TRAPPC9: variants seen among roughly 807,000 people sequenced by gnomAD.
TRAPPC9 encodes the protein IKK2 binding protein.
In TRAPPC9, 83 loss-of-function variants were observed where a neutral mutation model predicts 124.0. The observed-to-expected ratio is 0.67, with a 90% CI of 0.56 to 0.80. The LOEUF is 0.80. Among genes scored for constraint, TRAPPC9 ranks in the 30% least tolerant of loss-of-function variants. The pLI, the probability that TRAPPC9 is intolerant of heterozygous loss-of-function variation, is 0.00. For synonymous variants in TRAPPC9, 638 were observed against 617.5 expected (o/e 1.03, Z -0.49); for missense variants, 1,302 against 1,508.3 (o/e 0.86, Z 2.27).
Position 140,351,834 on chromosome 8 carries a change from G to C in TRAPPC9, c.1495+8216C>G, listed in dbSNP as rs113609877. ...ATCTGGTTCTAGCCAATGAGACAGAGAGGTCTGCTAGAGACTCTTAAAAAC... is the reference window on the plus strand; with the variant it reads ...ATCTGGTTCTAGCCAATGAGACAGACAGGTCTGCTAGAGACTCTTAAAAAC... On this transcript the variant is annotated intron_variant, in intron 9 of 22. Coordinates refer to ENST00000438773, the MANE Select transcript of TRAPPC9 (RefSeq NM_001160372.4). 2.1e-3 allele frequency among the ~76,000 whole-genome samples: 321 copies of C among 152,288 alleles called. 1 individual carries two copies. The highest frequency in any genetic ancestry group is 7.5e-3 in the African/African-American group (311 of 41,558).
At chr8:139,956,031 G>A (rs1317985275) in intron 19 of TRAPPC9, among the ~76,000 whole-genome samples, 1 of 152,212 alleles carries the variant, frequency 6.6e-6, no homozygotes, top group African/African-American at 2.4e-5. Flanking sequence ...TGGTTAGCAC[G>A]CGGAGACCTG....
intron 21 of TRAPPC9, among the ~76,000 whole-genome samples, chr8:139,766,573 T>C (rs1458370488): frequency 2.0e-5 from 3 of 152,218 alleles, no homozygotes; most frequent in African/African-American, 4.8e-5. Context: ...ATCAGACCTG[T>C]GTTCAGATCA....
At chr8:139,982,112 T>C (rs150938185) in intron 19 of TRAPPC9, among the ~76,000 whole-genome samples, 20 of 151,978 alleles carry the variant, frequency 1.3e-4, no homozygotes, top group Non-Finnish European at 2.2e-4. Flanking sequence ...AAACCCACAA[T>C]TGTCGTATCT....
At chr8:139,988,679 A>C in intron 19 of TRAPPC9, 47 bp downstream of exon 19, 9 of 1,294,082 alleles carry the variant, frequency 7.0e-6, no homozygotes, top group Non-Finnish European at 9.8e-6. Context: ...AGCGTGGTGA[A>C]GGCAGAGGGT....
At chr8:139,961,080 C>T (rs1458818482) in intron 19 of TRAPPC9, among the ~76,000 whole-genome samples, 1 of 124,584 alleles carries the variant, frequency 8.0e-6, no homozygotes, top group Admixed American at 8.4e-5. Context: ...GACATGAGAT[C>T]CCAACACAGA....
chr8:140,100,147 C>T (rs1441440650), intron 17 of TRAPPC9: 2 of 151,222 alleles, frequency 1.3e-5, no homozygotes, highest in African/African-American at 4.9e-5. Flanking sequence ...GTATTGACGC[C>T]CACCCGGGTC....
intron 21 of TRAPPC9, among the ~76,000 whole-genome samples, chr8:139,859,489 C>A (rs1230338668): frequency 6.6e-6 from 1 of 152,212 alleles, no homozygotes; most frequent in Non-Finnish European, 1.5e-5. Flanking sequence ...CATGTCACAG[C>A]TTCAGAAAGA....
chr8:140,425,037 A>C (rs2070372490), intron 5 of TRAPPC9, among the ~76,000 whole-genome samples: 1 of 152,218 alleles, frequency 6.6e-6, no homozygotes, highest in African/African-American at 2.4e-5. Flanking sequence ...TGAAGAATCA[A>C]ATTGCATTGC....
intron 21 of TRAPPC9, among the ~76,000 whole-genome samples, chr8:139,834,982 G>A (rs570687444): frequency 3.3e-4 from 51 of 152,270 alleles, no homozygotes; most frequent in African/African-American, 1.1e-3. Context: ...ATTTCATGCC[G>A]GTGCTGACTC....
Position 139,928,427 on chromosome 8 carries a change from G to C in TRAPPC9, c.2811-18127C>G, listed in dbSNP as rs527916759. ...GAATCGCTTGAACCCAGGAGGCAGA[G>C]GTTGCAGTGAGCCAAGATGGCGCCA... On this transcript the variant is annotated intron_variant, in intron 19 of 22. Transcript: ENST00000438773. Among the ~76,000 whole-genome samples, 526 of 152,238 alleles carry C rather than the reference G, an allele frequency of 3.5e-3. 1 individual carries two copies. The highest frequency in any genetic ancestry group is 0.011 in the African/African-American group (475 of 41,530).
In TRAPPC9 at chr8:140,083,456, G is replaced by C. The variant is rs1369747002; in HGVS notation, c.2557-59377C>G. On this transcript the variant is annotated intron_variant, in intron 17 of 22. Transcript: ENST00000438773. ...GTATTAGCGCTGAGTGAATAAGGTA[G>C]AGCGCAGAAACGCACACGCAACGCA... is the stretch of plus-strand genomic sequence containing the variant. Among the ~76,000 whole-genome samples, 9 of 152,210 alleles carry C rather than the reference G, an allele frequency of 5.9e-5. No homozygotes were observed. The East Asian group carries it at 9.7e-4, about 16-fold the overall frequency.
chr8:140,188,579 C>T (rs2062402522), intron 17 of TRAPPC9, among the ~76,000 whole-genome samples: 1 of 152,226 alleles, frequency 6.6e-6, no homozygotes, highest in Non-Finnish European at 1.5e-5. Context: ...CTTGATGGCA[C>T]AGATCTCCCG....
intron 19 of TRAPPC9, among the ~76,000 whole-genome samples, chr8:139,958,142 C>T (rs1267222717): frequency 2.6e-5 from 4 of 152,166 alleles, no homozygotes; most frequent in Admixed American, 2.0e-4. Flanking sequence ...GGCATGAGGA[C>T]AGCAGCTGAG....
At position 140,182,347 on chromosome 8, in the gene TRAPPC9, G is replaced by A. The variant is rs1035798673; in HGVS notation, c.2556+39112C>T. 6.6e-6 allele frequency among the ~76,000 whole-genome samples: 1 copy of A among 150,980 alleles called. No homozygotes were observed. Among genetic ancestry groups the A allele is most frequent in the Non-Finnish European group, 1.5e-5 (1 of 67,838 alleles). Reference sequence around the variant, plus strand: ...TTCAACTAAAAAAAAAAAAAAATACGGCTTGGGAATGTTGGCTTCCAAAAG... The same window carrying A: ...TTCAACTAAAAAAAAAAAAAAATACAGCTTGGGAATGTTGGCTTCCAAAAG... On this transcript the variant is annotated intron_variant, in intron 17 of 22. Coordinates refer to ENST00000438773, the MANE Select transcript of TRAPPC9 (RefSeq NM_001160372.4). This position sits in a 1 kb window ranked among gnomAD's most constrained non-coding sequence, Gnocchi z 4.0.
chr8:140,128,863 C>T (rs186227308), intron 17 of TRAPPC9, among the ~76,000 whole-genome samples: 155 of 152,130 alleles, frequency 1.0e-3, no homozygotes, highest in Non-Finnish European at 1.9e-3. Flanking sequence ...TGCTTCCTTT[C>T]GAAAGCAGAC....
chr8:139,849,279 T>C (rs979662381), intron 21 of TRAPPC9, among the ~76,000 whole-genome samples: 1 of 152,348 alleles, frequency 6.6e-6, no homozygotes, highest in South Asian at 2.1e-4. Context: ...CACTGCTCTC[T>C]TGACACCAGG....
rs1387541926 is a variant in TRAPPC9 at position 140,432,240 on chromosome 8, T to C, written c.859+2872A>G. 2.6e-5 allele frequency among the ~76,000 whole-genome samples: 4 copies of C among 151,910 alleles called. No individual in the cohort carries two copies. In the East Asian group the frequency reaches 5.8e-4, roughly 22 times the overall value. On this transcript the variant is annotated intron_variant, in intron 4 of 22. Transcript: ENST00000438773. ...ATTTAATTGTTGGCATAATAAGAAA[T>C]GATCAACAGGGCTTTTTAAAATACG...
At chr8:140,101,148 C>A (rs1178172938) in intron 17 of TRAPPC9, among the ~76,000 whole-genome samples, 2 of 152,204 alleles carry the variant, frequency 1.3e-5, no homozygotes, top group Middle Eastern at 3.2e-3. Flanking sequence ...ATGAGCATAT[C>A]TTTTTCTTTG....
Position 139,730,994 on chromosome 8 carries a change from AG to A in TRAPPC9, c.*66del. On this transcript the variant is annotated 3_prime_UTR_variant, in exon 23 of 23. Coordinates refer to ENST00000438773, the MANE Select transcript of TRAPPC9 (RefSeq NM_001160372.4). ...CTGCAGTGAAGGCCTTGCTCATTGC[AG>A]GGGGTGTGGGAGGCCAGGCAGGGTC... 1.3e-6 allele frequency: 2 copies of A among 1,572,046 alleles called. No homozygotes were observed. The highest frequency in any genetic ancestry group is 1.7e-6 in the Non-Finnish European group (2 of 1,155,092).
Sources: allele counts gnomAD v4.1 joint callset (sites outside exome capture counted in the v4.1 genomes callset), GRCh38; gene constraint gnomAD v4.1.1; non-coding constraint Gnocchi (gnomAD v3.1); transcripts MANE v1.5; gene names NCBI Gene and HGNC (gene_info 2026-07-23, HGNC 2026-07-21).